Variants in BSN observed in about 807,000 individuals in gnomAD.
BSN encodes the protein bassoon presynaptic cytomatrix protein.
BSN carries 57 observed loss-of-function variants against 264.8 expected under a neutral mutation model. The ratio of observed to expected loss-of-function variants is 0.22; its 90% CI spans 0.17 to 0.27. BSN has a LOEUF of 0.27. Ranked by LOEUF, BSN falls within the 10% of genes least tolerant of loss-of-function variation. The pLI, the probability that BSN is intolerant of heterozygous loss-of-function variation, is 1.00. For missense variants in BSN, 4,615 were observed against 5,232.5 expected (o/e 0.88, Z 3.64); for synonymous variants, 2,059 against 2,137.3 (o/e 0.96, Z 1.01).
In BSN at chr3:49,661,090, C is replaced by A. The variant is rs139661653; in HGVS notation, c.9245C>A (p.Thr3082Asn). Reference protein sequence around the residue: ...QNGFPAHQAPTYPGPSTYPAP... With the variant: ...QNGFPAHQAPNYPGPSTYPAP... ...GGATTCCCAGCCCACCAGGCCCCCA[C>A]CTACCCTGGCCCCAGCACGTACCCA... is the stretch of plus-strand genomic sequence containing the variant. Residue 3082 changes from threonine (T) to asparagine (N), a missense_variant, in exon 6 of 12, where the codon ACC (threonine) becomes AAC (asparagine). Coordinates refer to ENST00000296452, the MANE Select transcript of BSN (RefSeq NM_003458.4). 6.2e-7 allele frequency: 1 copy of A among 1,612,684 alleles called. No homozygotes were observed. The highest frequency in any genetic ancestry group is 8.5e-7 in the Non-Finnish European group (1 of 1,179,920).
rs1322135271 is a variant in BSN at position 49,650,800 on chromosome 3, T to TGCCAAGGCCAGCCCTCTATCC, written c.1708_1728dup (p.Ala570_Ser576dup). On this transcript the variant is annotated inframe_insertion, in exon 4 of 12. Transcript: ENST00000296452. ...TGGGCCAGCCTTCAGGCCCCCTGCC[T>TGCCAAGGCCAGCCCTCTATCC]GCCAAGGCCAGCCCTCTATCCACCA... The TGCCAAGGCCAGCCCTCTATCC allele has an allele frequency of 1.2e-6, 2 of 1,613,830 alleles. No individual in the cohort carries two copies. Among genetic ancestry groups the TGCCAAGGCCAGCCCTCTATCC allele is most frequent in the Non-Finnish European group, 1.7e-6 (2 of 1,179,956 alleles).
At chr3:49,608,921 G>A (rs887550557) in intron 1 of BSN, among the ~76,000 whole-genome samples, 5 of 151,912 alleles carry the variant, frequency 3.3e-5, no homozygotes, top group Admixed American at 1.3e-4. Flanking sequence ...GCATGCAGGT[G>A]AGGAGAGAGA....
chr3:49,670,373 C>G lies in BSN; in HGVS notation c.*2888C>G, dbSNP rs1448375920. 2.0e-5 allele frequency: 3 copies of G among 152,288 alleles called. No homozygotes were observed. Among genetic ancestry groups the G allele is most frequent in the Admixed American group, 2.0e-4 (3 of 15,284 alleles). 9.4% of individuals were successfully genotyped at this position (152,288 alleles called of 1,614,324 possible). On this transcript the variant is annotated 3_prime_UTR_variant, in exon 12 of 12. Transcript: ENST00000296452. Reference sequence around the variant, plus strand: ...AGCCTCCAGCAGGCCTAGTCTCAGGCTCTAAAGTACTGACTTTTCAGCAAA... The same window carrying G: ...AGCCTCCAGCAGGCCTAGTCTCAGGGTCTAAAGTACTGACTTTTCAGCAAA...
intron 1 of BSN, among the ~76,000 whole-genome samples, chr3:49,558,534 C>T (rs1190806912): frequency 6.6e-6 from 1 of 152,230 alleles, no homozygotes; most frequent in South Asian, 2.1e-4. Flanking sequence ...CATAGTATCT[C>T]TGGTCTGGGA....
chr3:49,663,024 A>C lies in BSN; in HGVS notation c.10866A>C (p.Glu3622Asp). 2.5e-6 allele frequency: 4 copies of C among 1,613,434 alleles called. No individual in the cohort carries two copies. Among genetic ancestry groups the C allele is most frequent in the Non-Finnish European group, 3.4e-6 (4 of 1,179,918 alleles). Reference protein sequence around the residue: ...PARHSYHDYDEPPEEGLWPHD... With the variant: ...PARHSYHDYDDPPEEGLWPHD... The stretch of plus-strand genomic sequence containing the variant: ...GGCACAGCTACCATGACTACGATGA[A>C]CCCCCTGAGGAGGGCCTGTGGCCTC... Residue 3622 changes from glutamate to aspartate, a missense_variant, in exon 7 of 12, where the codon GAA becomes GAC. Physicochemically the swap from Glu to Asp is conservative, Grantham distance 45. Transcript: ENST00000296452.
In BSN at chr3:49,654,614, C is replaced by T; in HGVS notation, c.5058C>T (p.Leu1686=). The change falls in exon 5 of 12, where the codon CTC becomes CTT. Residue 1686 remains leucine, a synonymous_variant. Coordinates refer to ENST00000296452, the MANE Select transcript of BSN (RefSeq NM_003458.4). The surrounding 1 kb of genome is among the most constrained non-coding windows in gnomAD (Gnocchi z 4.1). ...TCCTCACTGACCAGGGCATGGACCT[C>T]ACCTCTCTTGCTGTGGAAGCGAGGA... ...PIILTDQGMD[L]TSLAVEARKY... 1 of 1,613,988 alleles carries T rather than the reference C, an allele frequency of 6.2e-7. No homozygotes were observed. The highest frequency in any genetic ancestry group is 1.7e-5 in the Admixed American group (1 of 60,026).
At chr3:49,614,425 T>A (rs1418626865) in intron 1 of BSN, among the ~76,000 whole-genome samples, 1 of 152,194 alleles carries the variant, frequency 6.6e-6, no homozygotes, top group Non-Finnish European at 1.5e-5. Flanking sequence ...GGTGGCCACA[T>A]ATAGCTCTTG....
rs1437239644 is a variant in BSN, at chr3:49,625,438, C to T, written c.633+55C>T. 2.9e-6 allele frequency: 4 copies of T among 1,391,406 alleles called. No homozygotes were observed. The highest frequency in any genetic ancestry group is 3.0e-5 in the African/African-American group (2 of 67,422). The allele number at this position is 1,391,406 out of a possible 1,614,324, so 86.2% of individuals were successfully genotyped here. A position where few individuals can be genotyped will look rare whatever the true frequency, so the allele number is the denominator to read the frequency against. ...ACCTGCTACCTCATTACCATACCTC[C>T]CCTGGTTCCCTTCCCCTCTTTCACC... On this transcript the variant is annotated intron_variant, in intron 2 of 11. Transcript: ENST00000296452. The surrounding 1 kb of genome is among the most constrained non-coding windows in gnomAD (Gnocchi z 4.4).
chr3:49,651,440 T>C lies in BSN; in HGVS notation c.1987-103T>C. ...TGGCGGGCCCTAAACCCTTGGGAAATGGACAGACTCTTCCCCAGGGTCCTG... is the reference window on the plus strand; with the variant it reads ...TGGCGGGCCCTAAACCCTTGGGAAACGGACAGACTCTTCCCCAGGGTCCTG... On this transcript the variant is annotated intron_variant, in intron 4 of 11. Transcript: ENST00000296452. The surrounding 1 kb of genome is among the most constrained non-coding windows in gnomAD (Gnocchi z 5.4). 1 of 1,307,030 alleles carries C rather than the reference T, an allele frequency of 7.7e-7. No homozygotes were observed. The highest frequency in any genetic ancestry group is 2.4e-5 in the East Asian group (1 of 42,468). The allele number at this position is 1,307,030 out of a possible 1,614,324, so 81.0% of individuals were successfully genotyped here. A position where few individuals can be genotyped will look rare whatever the true frequency, so the allele number is the denominator to read the frequency against.
intron 1 of BSN, among the ~76,000 whole-genome samples, chr3:49,624,281 G>C (rs893981311): frequency 8.2e-6 from 1 of 122,504 alleles, no homozygotes; most frequent in African/African-American, 2.9e-5. Context: ...GATTCCAGGC[G>C]TGAGCCAACG....
chr3:49,651,835 G>A lies in BSN; in HGVS notation c.2279G>A (p.Arg760Gln), dbSNP rs761159544. ...GGTACTGGCGAGGAGCAGAAGCAGC[G>A]GCCCCACTCCTTGTCCATCACGCCT... The part of the protein sequence containing the change: ...SSGTGEEQKQ[R>Q]PHSLSITPEA... Residue 760 changes from arginine to glutamine, a missense_variant, in exon 5 of 12, where the codon CGG becomes CAG. Transcript: ENST00000296452. The surrounding 1 kb of genome is among the most constrained non-coding windows in gnomAD (Gnocchi z 5.4). 7.4e-5 allele frequency: 120 copies of A among 1,613,768 alleles called. No homozygotes were observed. Among genetic ancestry groups the A allele is most frequent in the Non-Finnish European group, 9.6e-5 (113 of 1,180,048 alleles).
At chr3:49,573,128 A>G (rs1199076868) in intron 1 of BSN, among the ~76,000 whole-genome samples, 1 of 152,224 alleles carries the variant, frequency 6.6e-6, no homozygotes, top group Non-Finnish European at 1.5e-5. Context: ...CTTTAATCAC[A>G]TACAAATCAA....
chr3:49,613,303 CGAGAGAGAGA>C lies in BSN; in HGVS notation c.225-11635_225-11626del, dbSNP rs752108805. On this transcript the variant is annotated intron_variant, in intron 1 of 11. Transcript: ENST00000296452. ...TATATATATATATACACACACAGAG[CGAGAGAGAGA>C]GAGAGAGAGAGAGAGAGAGAGAGAG... Among the ~76,000 whole-genome samples the C allele has an allele frequency of 6.7e-3, 319 of 47,344 alleles. 4 individuals carry two copies. Among genetic ancestry groups the C allele is most frequent in the African/African-American group, 0.019 (266 of 14,244 alleles). 31.1% of individuals were successfully genotyped at this position (47,344 alleles called of 152,430 possible). A position where few individuals can be genotyped will look rare whatever the true frequency, so the allele number is the denominator to read the frequency against.
At chr3:49,649,649 C>T (rs1352386279) in intron 3 of BSN, among the ~76,000 whole-genome samples, 1 of 152,186 alleles carries the variant, frequency 6.6e-6, no homozygotes, top group Admixed American at 6.6e-5. Context: ...ACATGGACTT[C>T]GCTTCTTGTG....
rs754650807 is a variant in BSN, at chr3:49,656,404, G to A, written c.6848G>A (p.Gly2283Glu). The change falls in exon 5 of 12, where the codon GGG (glycine) becomes GAG (glutamate). Residue 2283 changes from glycine to glutamate, a missense_variant. This residue lies in a region of BSN where 3,415 missense variants were observed against 3,866.4 expected (regional missense o/e 0.88). Transcript: ENST00000296452. ...CCTGCAGAAGGGCCTGTCTATCTGG[G>A]GAAACCTGCTGCTGCCAAGGCCCCT... ...VPPAEGPVYL[G>E]KPAAAKAPGA... 1.3e-6 allele frequency: 2 copies of A among 1,590,104 alleles called. No individual in the cohort carries two copies. The highest frequency in any genetic ancestry group is 1.7e-4 in the Middle Eastern group (1 of 5,938).
intron 1 of BSN, among the ~76,000 whole-genome samples, chr3:49,567,712 C>G (rs1327077845): frequency 6.6e-6 from 1 of 152,224 alleles, no homozygotes; most frequent in Non-Finnish European, 1.5e-5. Context: ...GGCTGTGTAA[C>G]ATGTTAACCC....
Position 49,651,578 on chromosome 3 carries a change from T to C in BSN, c.2022T>C (p.Ser674=). ...LVGKPYSQDA[S]RSPQSLSDTG... ...GCAAGCCTTACTCTCAGGATGCGTC[T>C]CGGAGCCCACAGAGCCTCAGTGACA... Residue 674 remains serine (S), a synonymous_variant, in exon 5 of 12, where the codon TCT becomes TCC. Transcript: ENST00000296452. This position sits in a 1 kb window ranked among gnomAD's most constrained non-coding sequence, Gnocchi z 5.4. 6.2e-7 allele frequency: 1 copy of C among 1,603,236 alleles called. No homozygotes were observed. Among genetic ancestry groups the C allele is most frequent in the Non-Finnish European group, 8.5e-7 (1 of 1,173,612 alleles).
At chr3:49,584,432 C>T (rs933262547) in intron 1 of BSN, among the ~76,000 whole-genome samples, 3 of 151,636 alleles carry the variant, frequency 2.0e-5, no homozygotes, top group South Asian at 2.1e-4. Context: ...AGTATTAAGT[C>T]GGAAGTTTAG....
At chr3:49,580,291 G>A (rs1218368085) in intron 1 of BSN, among the ~76,000 whole-genome samples, 1 of 152,152 alleles carries the variant, frequency 6.6e-6, no homozygotes, top group Non-Finnish European at 1.5e-5. Context: ...CATGGAATGA[G>A]TTGAGAAGTG....
Sources: gnomAD v4.1 joint callset for allele counts (sites outside exome capture counted in the v4.1 genomes callset) on GRCh38, gnomAD v4.1.1 for gene constraint, gnomAD v4.1.1 regional missense constraint, Gnocchi (gnomAD v3.1) non-coding constraint, MANE v1.5 for transcripts, NCBI Gene and HGNC (gene_info 2026-07-23, HGNC 2026-07-21) for gene names.